Variants in LPP observed in about 807,000 individuals in gnomAD.
LPP encodes lipoma-preferred partner.
In LPP, 38 loss-of-function variants were observed where a neutral mutation model predicts 60.4. The observed-to-expected ratio is 0.63, with a 90% CI of 0.49 to 0.83. The LOEUF is 0.83. LPP is among the 40% of genes least tolerant of loss of function. The pLI, the probability that LPP is intolerant of heterozygous loss-of-function variation, is 0.00. For missense variants in LPP, 902 were observed against 783.6 expected, an observed-to-expected ratio of 1.15 and a Z score of -1.80; for synonymous variants, 328 against 290.8, an observed-to-expected ratio of 1.13 and a Z score of -1.30.
chr3:188,358,764 C>G (rs958876254), intron 3 of LPP, among the ~76,000 whole-genome samples: 4 of 152,114 alleles, frequency 2.6e-5, no homozygotes, highest in African/African-American at 9.7e-5. Context: ...TGCAAGCGTT[C>G]CAAAAGCATA....
intron 6 of LPP, among the ~76,000 whole-genome samples, chr3:188,544,326 G>A (rs182545080): frequency 2.6e-4 from 40 of 152,280 alleles, no homozygotes; most frequent in African/African-American, 9.4e-4. Context: ...CAAGTGATAA[G>A]TAAAGGAAGC....
At chr3:188,620,333 C>T (rs1845583541) in intron 7 of LPP, among the ~76,000 whole-genome samples, 1 of 151,878 alleles carries the variant, frequency 6.6e-6, no homozygotes, top group Admixed American at 6.6e-5. Context: ...TTTCTTTTTC[C>T]CCAAACCCTC....
chr3:188,410,334 C>A (rs1486854125), intron 4 of LPP, among the ~76,000 whole-genome samples: 1 of 152,214 alleles, frequency 6.6e-6, no homozygotes, highest in Non-Finnish European at 1.5e-5. Context: ...TTTGAACTTA[C>A]ATTTCTCACC....
At chr3:188,702,146 T>G (rs2686576) in intron 7 of LPP, among the ~76,000 whole-genome samples, 1 of 151,634 alleles carries the variant, frequency 6.6e-6, no homozygotes, top group East Asian at 1.9e-4. Context: ...TTAGTAGAGG[T>G]GGGATTTCAC....
intron 7 of LPP, among the ~76,000 whole-genome samples, chr3:188,680,567 C>T (rs1859258354): frequency 6.6e-6 from 1 of 152,158 alleles, no homozygotes; most frequent in African/African-American, 2.4e-5. Flanking sequence ...CCACCTTACC[C>T]TCAAATCAGT....
rs190103285 is a variant in LPP at position 188,268,999 on chromosome 3, C to A, written c.-67+43472C>A. The stretch of plus-strand genomic sequence containing the variant: ...GGTTATACTTCACAGAATTGATGGA[C>A]CTCGAATTCTAATTAAGATTGCTGC... On this transcript the variant is annotated intron_variant, in intron 2 of 11. Transcript: ENST00000617246. Among the ~76,000 whole-genome samples, 38 of 152,194 alleles carry A rather than the reference C, an allele frequency of 2.5e-4. 1 individual carries two copies. The East Asian group carries it at 5.6e-3, about 22-fold the overall frequency.
chr3:188,180,726 A>G (rs1162265312), intron 1 of LPP: 1 of 152,020 alleles, frequency 6.6e-6, no homozygotes, highest in Non-Finnish European at 1.5e-5. Flanking sequence ...CTGACTAAAT[A>G]TTACTATATA....
chr3:188,708,629 T>A, intron 8 of LPP: 1 of 567,648 alleles, frequency 1.8e-6, no homozygotes, highest in East Asian at 2.8e-5. Flanking sequence ...TTTCCTTAGA[T>A]ACAAATTTTA....
In LPP at chr3:188,513,856, A is replaced by G. The variant is rs1579526108; in HGVS notation, c.307-10809A>G. Among the ~76,000 whole-genome samples the G allele has an allele frequency of 2.0e-5, 3 of 152,308 alleles. No homozygotes were observed. In the South Asian group the frequency reaches 6.2e-4, roughly 32 times the overall value. On this transcript the variant is annotated intron_variant, in intron 5 of 11. Coordinates refer to ENST00000617246, the MANE Select transcript of LPP (RefSeq NM_001375462.1). ...GTTGGCTTAAACTCGGAGTTGGCCT[A>G]ACTCTTACGGGTTTAGTCTGATGGC... is the stretch of plus-strand genomic sequence containing the variant.
Position 188,697,486 on chromosome 3 carries a change from T to A in LPP, c.1114-10781T>A, listed in dbSNP as rs116093993. Among the ~76,000 whole-genome samples the A allele has an allele frequency of 4.1e-3, 630 of 152,302 alleles. 2 individuals are homozygous for A. The highest frequency in any genetic ancestry group is 7.5e-3 in the Non-Finnish European group (510 of 68,024). On this transcript the variant is annotated intron_variant, in intron 7 of 11. Transcript: ENST00000617246. ...CACTAGACAGAAACAGCTTGTACAG[T>A]AGGAAAGTGTTTTTATGCATATCAG...
intron 6 of LPP, among the ~76,000 whole-genome samples, chr3:188,591,258 A>C (rs1431094685): frequency 1.3e-5 from 2 of 152,188 alleles, no homozygotes; most frequent in African/African-American, 2.4e-5. Context: ...AAGGATCCAG[A>C]CTATTAAATA....
chr3:188,766,735 C>A lies in LPP; in HGVS notation c.1410+6453C>A, dbSNP rs149666617. On this transcript the variant is annotated intron_variant, in intron 9 of 11. Coordinates refer to ENST00000617246, the MANE Select transcript of LPP (RefSeq NM_001375462.1). ...TTCTTTTTTAAAATCCTAAGTTTTT[C>A]ATTAATGTACGCCCATTAGAGAAAA... is the stretch of plus-strand genomic sequence containing the variant. 1.8e-4 allele frequency among the ~76,000 whole-genome samples: 27 copies of A among 152,292 alleles called. 2 individuals are homozygous for A. The East Asian group carries it at 5.2e-3, about 29-fold the overall frequency.
intron 7 of LPP, among the ~76,000 whole-genome samples, chr3:188,630,688 G>GCTTT (rs1847705698): frequency 1.3e-5 from 2 of 152,124 alleles, no homozygotes; most frequent in African/African-American, 4.8e-5. Context: ...GCCATTAAAA[G>GCTTT]TAATGGCAGA....
chr3:188,451,074 A>G (rs767493838), intron 4 of LPP, among the ~76,000 whole-genome samples: 23 of 152,168 alleles, frequency 1.5e-4, no homozygotes, highest in Non-Finnish European at 2.9e-4. Flanking sequence ...TTTTTTAAAC[A>G]TAAAGGCTTC....
At chr3:188,672,286 C>CT (rs879897604) in intron 7 of LPP, among the ~76,000 whole-genome samples, 227 of 144,396 alleles carry the variant, frequency 1.6e-3, no homozygotes, top group South Asian at 2.6e-3. Context: ...TTATAAGACT[C>CT]TTTTTTTTTT....
intron 7 of LPP, among the ~76,000 whole-genome samples, chr3:188,659,398 G>C (rs961362013): frequency 1.3e-5 from 2 of 152,148 alleles, no homozygotes; most frequent in African/African-American, 4.8e-5. Context: ...TTTCCACCTT[G>C]GAACTGTTTT....
chr3:188,825,242 T>TTTCTTTC (rs1755070057), intron 9 of LPP, among the ~76,000 whole-genome samples: 1 of 141,816 alleles, frequency 7.1e-6, no homozygotes, highest in African/African-American at 2.7e-5. Flanking sequence ...AGTCCCAGCC[T>TTTCTTTC]TTCTTTCTCT....
intron 9 of LPP, among the ~76,000 whole-genome samples, chr3:188,778,940 G>A (rs977145847): frequency 3.9e-5 from 6 of 152,126 alleles, no homozygotes; most frequent in African/African-American, 1.4e-4. Flanking sequence ...TTTTGAGTGT[G>A]ATACTTATAA....
chr3:188,252,076 A>ACACG (rs1553836924), intron 2 of LPP, among the ~76,000 whole-genome samples: 18 of 73,986 alleles, frequency 2.4e-4, no homozygotes, highest in African/African-American at 9.2e-4. Flanking sequence ...ATATATATAT[A>ACACG]CACACACACA....
Sources: allele counts gnomAD v4.1 joint callset (sites outside exome capture counted in the v4.1 genomes callset), GRCh38; gene constraint gnomAD v4.1.1; transcripts MANE v1.5; gene names NCBI Gene and HGNC (gene_info 2026-07-23, HGNC 2026-07-21).